Variants in RUNX2 observed in about 807,000 individuals in gnomAD.
The protein encoded by RUNX2 is RUNX family transcription factor 2, also known as runt-related transcription factor 2.
Under a neutral mutation model 51.7 loss-of-function variants are expected in RUNX2, and 10 were observed. The observed-to-expected ratio is 0.19, with a 90% CI of 0.12 to 0.33. RUNX2 has a LOEUF of 0.33. RUNX2 is among the 10% of genes least tolerant of loss of function. The pLI is 1.00. For missense variants in RUNX2, 562 were observed against 691.3 expected (o/e 0.81, Z 2.10); for synonymous variants, 276 against 273.6 (o/e 1.01, Z -0.09).
chr6:45,374,343 A>G (rs1216144494), intron 2 of RUNX2, among the ~76,000 whole-genome samples: 2 of 151,314 alleles, frequency 1.3e-5, no homozygotes, highest in South Asian at 2.1e-4. Context: ...AACCCATCAC[A>G]TGAGTTATTT....
intron 2 of RUNX2, among the ~76,000 whole-genome samples, chr6:45,416,586 A>G (rs971585407): frequency 3.3e-5 from 5 of 152,218 alleles, no homozygotes; most frequent in African/African-American, 1.2e-4. Flanking sequence ...CTGCTGCTCA[A>G]AGATCACTGC....
chr6:45,510,087 A>C (rs958825773), intron 6 of RUNX2, among the ~76,000 whole-genome samples: 6 of 152,348 alleles, frequency 3.9e-5, no homozygotes, highest in Admixed American at 3.3e-4. Flanking sequence ...GTTTCTCTGA[A>C]TACTGAATTA....
intron 3 of RUNX2, among the ~76,000 whole-genome samples, chr6:45,426,801 T>C (rs936429886): frequency 3.3e-5 from 5 of 152,216 alleles, no homozygotes; most frequent in Non-Finnish European, 5.9e-5. Flanking sequence ...GAGCAATTTC[T>C]GTTTGAAAAT....
chr6:45,484,648 T>C (rs1800213908), intron 5 of RUNX2, among the ~76,000 whole-genome samples: 1 of 152,192 alleles, frequency 6.6e-6, no homozygotes, highest in South Asian at 2.1e-4. Context: ...GTAATCTTCC[T>C]TGTGCTATTG....
At chr6:45,459,584 T>G (rs191136194) in intron 5 of RUNX2, among the ~76,000 whole-genome samples, 1 of 152,210 alleles carries the variant, frequency 6.6e-6, no homozygotes, top group Non-Finnish European at 1.5e-5. Flanking sequence ...TTTCAACAAG[T>G]GTTTATTGAG....
At chr6:45,395,539 A>G (rs1404725151) in intron 2 of RUNX2, among the ~76,000 whole-genome samples, 1 of 152,260 alleles carries the variant, frequency 6.6e-6, no homozygotes, top group Non-Finnish European at 1.5e-5. Flanking sequence ...ATAAGAACAT[A>G]TAACAAAAAA....
chr6:45,488,202 G>A (rs960513661), intron 5 of RUNX2, among the ~76,000 whole-genome samples: 3 of 152,152 alleles, frequency 2.0e-5, no homozygotes, highest in Non-Finnish European at 2.9e-5. Context: ...GGCAGGACTC[G>A]GTAATGGATT....
intron 6 of RUNX2, among the ~76,000 whole-genome samples, chr6:45,503,086 A>G (rs1800847383): frequency 6.6e-6 from 1 of 152,122 alleles, no homozygotes; most frequent in Non-Finnish European, 1.5e-5. Flanking sequence ...TCTTGGCTTG[A>G]TCTTTACTAC....
At chr6:45,499,409 G>A (rs1254777082) in intron 6 of RUNX2, among the ~76,000 whole-genome samples, 2 of 152,164 alleles carry the variant, frequency 1.3e-5, no homozygotes, top group Non-Finnish European at 2.9e-5. Flanking sequence ...CTGCTCTGGT[G>A]GCCACATTAT....
intron 3 of RUNX2, among the ~76,000 whole-genome samples, chr6:45,424,009 G>C (rs1002548450): frequency 1.3e-5 from 2 of 152,244 alleles, no homozygotes; most frequent in African/African-American, 4.8e-5. Flanking sequence ...ATTTTTAAAG[G>C]ACTTAAATCT....
chr6:45,353,824 G>A (rs1436896558), intron 2 of RUNX2, among the ~76,000 whole-genome samples: 2 of 150,734 alleles, frequency 1.3e-5, no homozygotes, highest in Non-Finnish European at 3.0e-5. Context: ...GCAACCACGA[G>A]ATTTAGGTGC....
intron 7 of RUNX2, among the ~76,000 whole-genome samples, chr6:45,528,766 A>C (rs1801752154): frequency 6.6e-6 from 1 of 152,244 alleles, no homozygotes; most frequent in Non-Finnish European, 1.5e-5. Context: ...AGGGGCTATC[A>C]GTTCCTTCAG....
At chr6:45,537,477 T>C (rs910736079) in intron 7 of RUNX2, among the ~76,000 whole-genome samples, 2 of 152,186 alleles carry the variant, frequency 1.3e-5, no homozygotes, top group Admixed American at 6.5e-5. Flanking sequence ...TTGCCATTCA[T>C]ATAGTATAGT....
intron 5 of RUNX2, among the ~76,000 whole-genome samples, chr6:45,462,838 GA>G (rs1273988215): frequency 6.6e-6 from 1 of 152,188 alleles, no homozygotes; most frequent in Non-Finnish European, 1.5e-5. Flanking sequence ...AGTTAATTTT[GA>G]CATGGATGTC....
At chr6:45,446,761 C>T (rs2150377527) in intron 5 of RUNX2, among the ~76,000 whole-genome samples, 1 of 152,132 alleles carries the variant, frequency 6.6e-6, no homozygotes, top group South Asian at 2.1e-4. Context: ...CATCTTTGGC[C>T]TTCACATAAA....
chr6:45,358,700 T>C (rs1008036748), intron 2 of RUNX2, among the ~76,000 whole-genome samples: 3 of 152,182 alleles, frequency 2.0e-5, no homozygotes, highest in African/African-American at 7.2e-5. Context: ...ATCTGAAATA[T>C]GTATTGCAGA....
intron 5 of RUNX2, among the ~76,000 whole-genome samples, chr6:45,488,042 C>T (rs777852543): frequency 6.6e-5 from 10 of 151,936 alleles, no homozygotes; most frequent in Non-Finnish European, 1.3e-4. Flanking sequence ...GAGAGCACTT[C>T]AGGAATATGG....
Position 45,414,754 on chromosome 6 carries a change from C to CTTT in RUNX2, c.59-7811_59-7809dup, listed in dbSNP as rs34672680. ...ATCTCTCCACCTTCCCAGATCCTGG[C>CTTT]TTTTTTTTTTTTTTTTTTTTTTTTT... On this transcript the variant is annotated intron_variant, in intron 2 of 8. Transcript: ENST00000647337. Among the ~76,000 whole-genome samples the CTTT allele has an allele frequency of 3.2e-3, 106 of 33,444 alleles. 19 individuals are homozygous for CTTT. Among genetic ancestry groups the CTTT allele is most frequent in the African/African-American group, 0.011 (99 of 9,236 alleles). 21.9% of individuals were successfully genotyped at this position (33,444 alleles called of 152,430 possible).
At chr6:45,347,047 C>G (rs1791029572) in intron 2 of RUNX2, among the ~76,000 whole-genome samples, 1 of 151,924 alleles carries the variant, frequency 6.6e-6, no homozygotes, top group African/African-American at 2.4e-5. Context: ...AGAGGTGGTA[C>G]TTTATATAAT....
Sources: allele counts gnomAD v4.1 joint callset (sites outside exome capture counted in the v4.1 genomes callset), GRCh38; gene constraint gnomAD v4.1.1; transcripts MANE v1.5; gene names NCBI Gene and HGNC (gene_info 2026-07-23, HGNC 2026-07-21).